The following CCDC150 variants were observed in gnomAD, a reference collection of about 807,000 sequenced individuals.
CCDC150 encodes the protein coiled-coil domain containing 150.
A neutral mutation model predicts 156.5 loss-of-function variants in CCDC150; 151 were observed. That is an observed-to-expected ratio of 0.97 (90% confidence interval 0.85 to 1.10). The LOEUF (loss-of-function observed/expected upper bound fraction) is 1.10, where lower values mean the gene tolerates loss of function less well. Among genes scored for constraint, CCDC150 ranks in the 50% least tolerant of loss-of-function variants. CCDC150 has a pLI of 0.00. For missense variants in CCDC150, 1,312 were observed against 1,268.1 expected, an observed-to-expected ratio of 1.03 and a Z score of -0.53; for synonymous variants, 452 against 429.4, an observed-to-expected ratio of 1.05 and a Z score of -0.65.
At chr2:196,652,231 CT>C (rs1692924276) in intron 2 of CCDC150, among the ~76,000 whole-genome samples, 1 of 152,178 alleles carries the variant, frequency 6.6e-6, no homozygotes, top group African/African-American at 2.4e-5. Context: ...ACACTAAAGG[CT>C]TATTCCAGCG....
chr2:196,655,611 C>T (rs917651915), intron 2 of CCDC150, among the ~76,000 whole-genome samples: 1 of 152,112 alleles, frequency 6.6e-6, no homozygotes, highest in Non-Finnish European at 1.5e-5. Context: ...AAAAATAGAA[C>T]TGTGTGTTTC....
chr2:196,651,135 AC>A (rs1692849659), intron 2 of CCDC150, among the ~76,000 whole-genome samples: 1 of 152,214 alleles, frequency 6.6e-6, no homozygotes, highest in African/African-American at 2.4e-5. Flanking sequence ...TAAGGTGATA[AC>A]AATTTAATTT....
intron 9 of CCDC150, among the ~76,000 whole-genome samples, chr2:196,673,059 CTG>C (rs1316203413): frequency 1.3e-5 from 2 of 152,012 alleles, no homozygotes; most frequent in Admixed American, 6.6e-5. Context: ...TTGCTGGGCT[CTG>C]TGTATAATAA....
intron 2 of CCDC150, among the ~76,000 whole-genome samples, chr2:196,654,879 AC>A (rs1420277816): frequency 6.6e-6 from 1 of 152,198 alleles, no homozygotes; most frequent in East Asian, 1.9e-4. Flanking sequence ...AGGAGATCTT[AC>A]CAATTCGTAC....
chr2:196,698,807 A>G (rs1695985794), intron 14 of CCDC150, among the ~76,000 whole-genome samples: 1 of 152,212 alleles, frequency 6.6e-6, no homozygotes, highest in African/African-American at 2.4e-5. Context: ...GTCGTTTAAC[A>G]TTAGGTATAT....
intron 13 of CCDC150, among the ~76,000 whole-genome samples, chr2:196,679,809 T>A (rs1284847725): frequency 6.6e-6 from 1 of 152,200 alleles, no homozygotes; most frequent in East Asian, 1.9e-4. Context: ...TCTATTAGAA[T>A]TTGTGTGTAG....
chr2:196,646,606 TGA>T (rs977324567), intron 2 of CCDC150, 102 bp downstream of exon 2: 2 of 832,464 alleles, frequency 2.4e-6, no homozygotes, highest in African/African-American at 3.4e-5. Flanking sequence ...GCAAAAGAAC[TGA>T]GAAATAATTT....
intron 13 of CCDC150, chr2:196,686,221 G>A (rs1310562245): frequency 6.8e-6 from 2 of 293,948 alleles, no homozygotes; most frequent in Non-Finnish European, 1.3e-5. Context: ...TCAAAACCCA[G>A]GAAAGACTTC....
At chr2:196,700,724 G>A (rs1420268559) in intron 14 of CCDC150, among the ~76,000 whole-genome samples, 1 of 152,006 alleles carries the variant, frequency 6.6e-6, no homozygotes, top group African/African-American at 2.4e-5. Flanking sequence ...GCTGTCAGTG[G>A]TCCTGGTCAC....
chr2:196,731,961 T>G (rs2125724129), intron 26 of CCDC150, 72 bp from the exon 27 acceptor site: 5 of 1,463,940 alleles, frequency 3.4e-6, no homozygotes, highest in Non-Finnish European at 4.7e-6. Flanking sequence ...GTAAAAAATC[T>G]CTGCAACTAA....
chr2:196,669,256 T>C (rs1389150595), intron 7 of CCDC150, among the ~76,000 whole-genome samples: 1 of 152,180 alleles, frequency 6.6e-6, no homozygotes, highest in Non-Finnish European at 1.5e-5. Context: ...GTTTCACTCA[T>C]TCTATCCCCG....
At chr2:196,727,789 G>T (rs975766241) in intron 22 of CCDC150, 5 of 151,966 alleles carry the variant, frequency 3.3e-5, no homozygotes, top group Non-Finnish European at 7.3e-5. Context: ...GAGGCAGGGG[G>T]ATCACGAGGT....
At chr2:196,646,821 TAA>T (rs1469729692) in intron 2 of CCDC150, among the ~76,000 whole-genome samples, 2 of 84,152 alleles carry the variant, frequency 2.4e-5, no homozygotes, top group Non-Finnish European at 5.7e-5. Context: ...CATTTTAAAA[TAA>T]AAAGAGACAT....
At chr2:196,679,485 C>G (rs906414580) in intron 13 of CCDC150, among the ~76,000 whole-genome samples, 1 of 152,160 alleles carries the variant, frequency 6.6e-6, no homozygotes, top group African/African-American at 2.4e-5. Context: ...TGTTGTGTGT[C>G]AGTAATCTGC....
intron 13 of CCDC150, among the ~76,000 whole-genome samples, chr2:196,692,574 C>G (rs1695557554): frequency 1.3e-5 from 2 of 152,184 alleles, no homozygotes; most frequent in Admixed American, 1.3e-4. Flanking sequence ...GCCTTAATTT[C>G]ATTACTTACC....
intron 5 of CCDC150, among the ~76,000 whole-genome samples, chr2:196,663,443 T>C (rs193133715): frequency 8.6e-5 from 13 of 151,906 alleles, no homozygotes; most frequent in Admixed American, 4.6e-4. Context: ...TTAAGAAAAT[T>C]TTAATACATA....
chr2:196,645,074 A>C (rs1247150863), intron 1 of CCDC150, among the ~76,000 whole-genome samples: 2 of 152,162 alleles, frequency 1.3e-5, no homozygotes, highest in African/African-American at 2.4e-5. Context: ...CAGTGAGCCA[A>C]GATCGCTCCA....
chr2:196,718,565 G>T lies in CCDC150; in HGVS notation c.1929G>T (p.Ala643=). The stretch of plus-strand genomic sequence containing the variant: ...CCCGAACAGTGAAGTGTCGTAATGC[G>T]GCCCTGAAAGAGAGTCAGAAGTTGA... ...ELSRTVKCRN[A]ALKESQKLKE... The change falls in exon 18 of 28, where the codon GCG becomes GCT. Residue 643 remains alanine, a synonymous_variant. Coordinates refer to ENST00000389175, the MANE Select transcript of CCDC150 (RefSeq NM_001080539.2). The T allele has an allele frequency of 6.2e-7, 1 of 1,613,722 alleles. No homozygotes were observed. Among genetic ancestry groups the T allele is most frequent in the Non-Finnish European group, 8.5e-7 (1 of 1,179,762 alleles).
chr2:196,707,637 G>T (rs975462328), intron 15 of CCDC150, among the ~76,000 whole-genome samples: 3 of 152,138 alleles, frequency 2.0e-5, no homozygotes, highest in Non-Finnish European at 4.4e-5. Flanking sequence ...GCTTTCTCTT[G>T]TGGGTATTTA....
Sources: allele counts gnomAD v4.1 joint callset (sites outside exome capture counted in the v4.1 genomes callset), GRCh38; gene constraint gnomAD v4.1.1; transcripts MANE v1.5; gene names NCBI Gene and HGNC (gene_info 2026-07-23, HGNC 2026-07-21).